The following SHROOM3 variants were observed in gnomAD, a reference collection of about 807,000 sequenced individuals.
SHROOM3 encodes protein Shroom3.
In SHROOM3, 47 loss-of-function variants were observed where a neutral mutation model predicts 138.6. That is an observed-to-expected ratio of 0.34 (90% CI 0.27 to 0.43). The LOEUF (loss-of-function observed/expected upper bound fraction) is 0.43. Ranked by LOEUF, SHROOM3 falls within the 20% of genes least tolerant of loss-of-function variation. SHROOM3 has a pLI of 1.00. For missense variants in SHROOM3, 2,491 were observed against 2,596.5 expected (o/e 0.96, Z 0.88); for synonymous variants, 1,062 against 1,063.3 (o/e 1.00, Z 0.02).
intron 1 of SHROOM3, among the ~76,000 whole-genome samples, chr4:76,503,404 A>T (rs1370900062): frequency 6.6e-6 from 1 of 152,082 alleles, no homozygotes; most frequent in Admixed American, 6.6e-5. Flanking sequence ...TTCTTTTTAA[A>T]ATGTTGTCTT....
chr4:76,441,086 G>GTTTTTTTTTTGT (rs1730661717), intron 1 of SHROOM3, among the ~76,000 whole-genome samples: 3 of 82,188 alleles, frequency 3.7e-5, no homozygotes, highest in African/African-American at 1.4e-4. Context: ...AGTTCAATTT[G>GTTTTTTTTTTGT]TTTTTTTTTT....
chr4:76,544,028 CACA>C (rs1733160449), intron 1 of SHROOM3, among the ~76,000 whole-genome samples: 2 of 152,164 alleles, frequency 1.3e-5, no homozygotes. Flanking sequence ...CTCACTGTTC[CACA>C]ACAACTTCCT....
intron 1 of SHROOM3, among the ~76,000 whole-genome samples, chr4:76,452,214 G>A (rs1730940002): frequency 1.3e-5 from 2 of 152,142 alleles, no homozygotes; most frequent in Non-Finnish European, 2.9e-5. Flanking sequence ...ACTTTTTGTG[G>A]TAAAATATAC....
At chr4:76,474,771 A>G (rs1398775097) in intron 1 of SHROOM3, among the ~76,000 whole-genome samples, 2 of 151,946 alleles carry the variant, frequency 1.3e-5, no homozygotes, top group East Asian at 3.9e-4. Flanking sequence ...AAAAACAACA[A>G]CAACAAAAAG....
intron 2 of SHROOM3, among the ~76,000 whole-genome samples, chr4:76,595,245 G>A (rs1021228900): frequency 6.6e-6 from 1 of 152,186 alleles, no homozygotes; most frequent in African/African-American, 2.4e-5. Context: ...TAGAAAGTAG[G>A]CAGCTATTCA....
intron 2 of SHROOM3, chr4:76,689,423 G>GC: frequency 1.4e-6 from 1 of 721,766 alleles, no homozygotes. Flanking sequence ...GACTGAGCGG[G>GC]CCCGGGCGGG....
intron 1 of SHROOM3, among the ~76,000 whole-genome samples, chr4:76,466,836 T>C (rs547454975): frequency 1.3e-5 from 2 of 152,116 alleles, no homozygotes; most frequent in Non-Finnish European, 2.9e-5. Flanking sequence ...AAATAAAAAA[T>C]AAGGAAGCAA....
intron 2 of SHROOM3, among the ~76,000 whole-genome samples, chr4:76,650,967 C>T (rs1735943229): frequency 6.6e-6 from 1 of 152,122 alleles, no homozygotes; most frequent in South Asian, 2.1e-4. Flanking sequence ...AGAATAGAAC[C>T]AGTCATTTGC....
chr4:76,732,786 C>T (rs1173440234), intron 4 of SHROOM3, among the ~76,000 whole-genome samples: 1 of 152,198 alleles, frequency 6.6e-6, no homozygotes, highest in Non-Finnish European at 1.5e-5. Context: ...CCCCTTACCC[C>T]TACGGTGTAA....
At chr4:76,483,618 C>G (rs1049031979) in intron 1 of SHROOM3, among the ~76,000 whole-genome samples, 2 of 152,158 alleles carry the variant, frequency 1.3e-5, no homozygotes, top group Admixed American at 1.3e-4. Context: ...ACCAGAAATA[C>G]CATTTGACCT....
At chr4:76,694,214 G>A (rs572969923) in intron 2 of SHROOM3, among the ~76,000 whole-genome samples, 3 of 152,138 alleles carry the variant, frequency 2.0e-5, no homozygotes, top group Non-Finnish European at 4.4e-5. Flanking sequence ...TACTGAGAAC[G>A]CATTAGCCTC....
chr4:76,481,410 C>T (rs900677718), intron 1 of SHROOM3, among the ~76,000 whole-genome samples: 3 of 151,766 alleles, frequency 2.0e-5, no homozygotes, highest in Non-Finnish European at 4.4e-5. Context: ...ACACATACAC[C>T]CTCCCAAGAC....
At chr4:76,679,532 A>C (rs1322642910) in intron 2 of SHROOM3, among the ~76,000 whole-genome samples, 1 of 152,000 alleles carries the variant, frequency 6.6e-6, no homozygotes, top group South Asian at 2.1e-4. Flanking sequence ...ACTTATCTTC[A>C]TCTATGTCGT....
intron 2 of SHROOM3, among the ~76,000 whole-genome samples, chr4:76,667,422 G>A (rs934306089): frequency 6.6e-6 from 1 of 151,978 alleles, no homozygotes; most frequent in Non-Finnish European, 1.5e-5. Flanking sequence ...GGGCTCAGGC[G>A]ATCCTCCCAC....
intron 2 of SHROOM3, 95 bp downstream of exon 2, chr4:76,555,858 A>G: frequency 7.0e-7 from 1 of 1,422,630 alleles, no homozygotes; most frequent in Non-Finnish European, 9.6e-7. Flanking sequence ...CGGGGTTGGT[A>G]GCTTGGCTTT....
At position 76,741,572 on chromosome 4, in the gene SHROOM3, C is replaced by CGCCTCG; in HGVS notation, c.3405_3410dup (p.Ala1136_Ser1137dup). 6.5e-7 allele frequency: 1 copy of CGCCTCG among 1,543,352 alleles called. No homozygotes were observed. The highest frequency in any genetic ancestry group is 1.2e-5 in the South Asian group (1 of 84,394). On this transcript the variant is annotated inframe_insertion, in exon 5 of 11. Coordinates refer to ENST00000296043, the MANE Select transcript of SHROOM3 (RefSeq NM_020859.4). The surrounding 1 kb of genome is among the most constrained non-coding windows in gnomAD (Gnocchi z 6.2). The stretch of plus-strand genomic sequence containing the variant: ...CCGCGGCGCTCGAAGGCTCCGGCCT[C>CGCCTCG]GCCTCGGCCTCCAGCTTGAGCTCAC...
intron 2 of SHROOM3, among the ~76,000 whole-genome samples, chr4:76,659,861 C>A (rs747571022): frequency 3.3e-5 from 5 of 152,152 alleles, no homozygotes; most frequent in Non-Finnish European, 7.4e-5. Flanking sequence ...GGATTACAGG[C>A]GTGAGCCACC....
intron 1 of SHROOM3, among the ~76,000 whole-genome samples, chr4:76,465,377 TCA>T (rs1195550074): frequency 6.6e-6 from 1 of 152,200 alleles, no homozygotes; most frequent in Admixed American, 6.5e-5. Flanking sequence ...AAGGCCATGC[TCA>T]CCCCAGGCTG....
chr4:76,698,517 C>T (rs1719810029), intron 2 of SHROOM3, among the ~76,000 whole-genome samples: 1 of 152,134 alleles, frequency 6.6e-6, no homozygotes, highest in African/African-American at 2.4e-5. Context: ...GGAGACAGGA[C>T]CCTGGCTCCT....
Sources: gnomAD v4.1 joint callset for allele counts (sites outside exome capture counted in the v4.1 genomes callset) on GRCh38, gnomAD v4.1.1 for gene constraint, Gnocchi (gnomAD v3.1) non-coding constraint, MANE v1.5 for transcripts, NCBI Gene and HGNC (gene_info 2026-07-23, HGNC 2026-07-21) for gene names.